Variants in PCDH15 observed in about 807,000 individuals in gnomAD.
PCDH15 encodes protocadherin related 15, also known as protocadherin-15.
A neutral mutation model predicts 178.5 loss-of-function variants in PCDH15; 129 were observed. That is an observed-to-expected ratio of 0.72 (90% confidence interval 0.63 to 0.84). PCDH15 has a LOEUF of 0.84. Among genes scored for constraint, PCDH15 ranks in the 40% least tolerant of loss-of-function variants. The pLI is 0.00. For synonymous variants in PCDH15, 800 were observed against 732.0 expected, an observed-to-expected ratio of 1.09 and a Z score of -1.50; for missense variants, 2,230 against 2,099.9, an observed-to-expected ratio of 1.06 and a Z score of -1.21.
chr10:54,836,039 A>G (rs77750013), intron 3 of PCDH15, among the ~76,000 whole-genome samples: 10,184 of 152,284 alleles, frequency 0.067, 404 homozygotes, highest in South Asian at 0.12. Context: ...TGCTATAAAA[A>G]ACTGAAGGTT....
At chr10:55,366,805 G>A (rs970986710) in intron 2 of PCDH15, among the ~76,000 whole-genome samples, 3 of 152,084 alleles carry the variant, frequency 2.0e-5, no homozygotes, top group Non-Finnish European at 2.9e-5. Flanking sequence ...TTACCTGGCA[G>A]AAGCCTAAAT....
At chr10:54,644,568 A>C (rs1002448590) in intron 2 of PCDH15, among the ~76,000 whole-genome samples, 1 of 152,044 alleles carries the variant, frequency 6.6e-6, no homozygotes, top group Non-Finnish European at 1.5e-5. Context: ...ACTTTATCTT[A>C]AGCTTCCAGT....
chr10:55,530,333 C>T (rs1336177641), intron 2 of PCDH15, among the ~76,000 whole-genome samples: 1 of 151,770 alleles, frequency 6.6e-6, no homozygotes. Flanking sequence ...AGTCCTGACA[C>T]TCTCTCCCCA....
At chr10:55,355,700 T>G (rs1403201912) in intron 2 of PCDH15, among the ~76,000 whole-genome samples, 1 of 151,994 alleles carries the variant, frequency 6.6e-6, no homozygotes, top group Admixed American at 6.6e-5. Flanking sequence ...GTAGCTTGTT[T>G]CCTCTTAATA....
chr10:54,766,707 AT>A (rs564079787), intron 1 of PCDH15, among the ~76,000 whole-genome samples: 186 of 152,108 alleles, frequency 1.2e-3, no homozygotes, highest in African/African-American at 4.1e-3. Context: ...AGGCGGGCGG[AT>A]CACAAGATCA....
intron 15 of PCDH15, among the ~76,000 whole-genome samples, chr10:54,107,766 G>T (rs2094943181): frequency 1.3e-5 from 2 of 152,074 alleles, no homozygotes; most frequent in African/African-American, 4.8e-5. Flanking sequence ...TCAGAGCCTG[G>T]GTGGGGTTTC....
intron 1 of PCDH15, among the ~76,000 whole-genome samples, chr10:55,281,184 C>T (rs1021741936): frequency 6.6e-6 from 1 of 152,124 alleles, no homozygotes; most frequent in Non-Finnish European, 1.5e-5. Context: ...TAGGAAGCCA[C>T]TCAGAAATTC....
intron 2 of PCDH15, among the ~76,000 whole-genome samples, chr10:55,333,283 C>G (rs1250191605): frequency 6.6e-6 from 1 of 152,062 alleles, no homozygotes; most frequent in Non-Finnish European, 1.5e-5. Context: ...CAGATTAATA[C>G]TTTACAGATT....
chr10:55,392,776 A>T (rs766173378), intron 2 of PCDH15, among the ~76,000 whole-genome samples: 59 of 152,300 alleles, frequency 3.9e-4, no homozygotes, highest in Middle Eastern at 3.4e-3. Context: ...GTTTCATAGT[A>T]AAATTTGTAG....
chr10:55,627,133 C>T (rs2132178381), intron 2 of PCDH15, among the ~76,000 whole-genome samples: 1 of 151,530 alleles, frequency 6.6e-6, no homozygotes, highest in South Asian at 2.1e-4. Flanking sequence ...AAGGATGTAA[C>T]CCCCCACCCC....
At chr10:53,833,710 G>C (rs1206094844) in intron 29 of PCDH15, among the ~76,000 whole-genome samples, 1 of 151,506 alleles carries the variant, frequency 6.6e-6, no homozygotes, top group African/African-American at 2.4e-5. Context: ...TCGATTTTTT[G>C]CTTCTGTTAT....
intron 1 of PCDH15, among the ~76,000 whole-genome samples, chr10:55,185,192 A>C (rs1377324806): frequency 6.6e-6 from 1 of 151,880 alleles, no homozygotes; most frequent in Non-Finnish European, 1.5e-5. Context: ...TAAACCTAAA[A>C]TATATTTCTA....
intron 32 of PCDH15, among the ~76,000 whole-genome samples, chr10:53,824,323 G>A (rs577232859): frequency 2.6e-5 from 4 of 152,140 alleles, no homozygotes; most frequent in South Asian, 4.1e-4. Flanking sequence ...AGGTGGTTCC[G>A]AATTCTCATT....
At chr10:54,500,102 T>C (rs1471635808) in intron 3 of PCDH15, among the ~76,000 whole-genome samples, 2 of 152,126 alleles carry the variant, frequency 1.3e-5, no homozygotes, top group Non-Finnish European at 2.9e-5. Flanking sequence ...CAGCATGGAA[T>C]ACTATGCAGC....
intron 37 of PCDH15, chr10:53,808,969 T>C (rs1410423897): frequency 6.4e-7 from 1 of 1,559,134 alleles, no homozygotes; most frequent in East Asian, 2.4e-5. Context: ...TTCTGAGTGT[T>C]CTTCTTCTTC....
At chr10:54,973,816 T>C (rs139712403) in intron 2 of PCDH15, among the ~76,000 whole-genome samples, 2,032 of 152,060 alleles carry the variant, frequency 0.013, 29 homozygotes, top group Non-Finnish European at 0.017. Flanking sequence ...GGTAAACATA[T>C]ACACAATACA....
At chr10:54,814,295 C>T (rs529349935) in intron 3 of PCDH15, among the ~76,000 whole-genome samples, 5 of 152,106 alleles carry the variant, frequency 3.3e-5, no homozygotes, top group African/African-American at 1.2e-4. Flanking sequence ...TGGCACAGAG[C>T]AAATAATGGA....
Position 54,703,367 on chromosome 10 carries a change from A to T in PCDH15, c.-28-39077T>A, listed in dbSNP as rs181225366. Among the ~76,000 whole-genome samples, 1,087 of 152,170 alleles carry T rather than the reference A, an allele frequency of 7.1e-3. 7 individuals are homozygous for T. The highest frequency in any genetic ancestry group is 0.011 in the Non-Finnish European group (745 of 67,992). On this transcript the variant is annotated intron_variant, in intron 1 of 37. Transcript: ENST00000644397. ...CATTCCTATTTAACATAGTACTTCA[A>T]GTCCTAGCCAGAGCAATAAGGCAAG...
intron 1 of PCDH15, among the ~76,000 whole-genome samples, chr10:55,275,444 C>A (rs1842565584): frequency 6.6e-6 from 1 of 151,898 alleles, no homozygotes; most frequent in Non-Finnish European, 1.5e-5. Context: ...TCTATAGTGT[C>A]TTCTCGATGT....
Sources: gnomAD v4.1 joint callset for allele counts (sites outside exome capture counted in the v4.1 genomes callset) on GRCh38, gnomAD v4.1.1 for gene constraint, MANE v1.5 for transcripts, NCBI Gene and HGNC (gene_info 2026-07-23, HGNC 2026-07-21) for gene names.